SEMA6C: variants seen among roughly 807,000 people sequenced by gnomAD.
SEMA6C encodes semaphorin-6C.
In SEMA6C, 37 loss-of-function variants were observed where a neutral mutation model predicts 72.9. The observed-to-expected ratio is 0.51, with a 90% CI of 0.39 to 0.67. The LOEUF (loss-of-function observed/expected upper bound fraction) is 0.67, where lower values mean the gene tolerates loss of function less well. Ranked by LOEUF, SEMA6C falls within the 30% of genes least tolerant of loss-of-function variation. SEMA6C has a pLI of 0.00. For missense variants in SEMA6C, 1,189 were observed against 1,263.6 expected, an observed-to-expected ratio of 0.94 and a Z score of 0.89; for synonymous variants, 578 against 554.1, an observed-to-expected ratio of 1.04 and a Z score of -0.61.
chr1:151,138,013 C>G lies in SEMA6C; in HGVS notation c.640G>C (p.Ala214Pro). Residue 214 changes from alanine to proline, a missense_variant, in exon 9 of 19, where the codon GCC becomes CCC. Transcript: ENST00000368914. ...CGGAGCCACTTGGAGTCATACTTGGCGGAGCGGAGTGGGGGCTGGGGCCCA... is the reference window on the plus strand; with the variant it reads ...CGGAGCCACTTGGAGTCATACTTGGGGGAGCGGAGTGGGGGCTGGGGCCCA... ...SLGPQPPLRS[A>P]KYDSKWLREP... The G allele has an allele frequency of 6.2e-7, 1 of 1,614,096 alleles. No homozygotes were observed. Among genetic ancestry groups the G allele is most frequent in the Middle Eastern group, 1.6e-4 (1 of 6,062 alleles).
At position 151,138,112 on chromosome 1, in the gene SEMA6C, G is replaced by C. The variant is rs201596171; in HGVS notation, c.548-7C>G. The C allele has an allele frequency of 9.9e-6, 16 of 1,613,526 alleles. No individual in the cohort carries two copies. The highest frequency in any genetic ancestry group is 1.4e-5 in the Non-Finnish European group (16 of 1,179,808). The stretch of plus-strand genomic sequence containing the variant: ...GCTGAGTACAGGCTGCCCTCTGGAG[G>C]GATGGGTGGAGTGGGGTCAGGGGAG... On this transcript the variant is annotated splice_region_variant and splice_polypyrimidine_tract_variant and intron_variant, in intron 8 of 18. Transcript: ENST00000368914.
Position 151,134,471 on chromosome 1 carries a change from TG to T in SEMA6C, c.1715-27del, listed in dbSNP as rs755360865. On this transcript the variant is annotated intron_variant, in intron 17 of 18. Coordinates refer to ENST00000368914, the MANE Select transcript of SEMA6C (RefSeq NM_030913.6). ...CTATGAAGAAGGGACAGGGTGAAGATGGGGGGAAAGAGAAGCTTCATGAAGA... is the reference window on the plus strand; with the variant it reads ...CTATGAAGAAGGGACAGGGTGAAGATGGGGGAAAGAGAAGCTTCATGAAGA... 3.7e-6 allele frequency: 6 copies of T among 1,608,638 alleles called. No homozygotes were observed. The South Asian group carries it at 4.4e-5, about 12-fold the overall frequency.
intron 2 of SEMA6C, among the ~76,000 whole-genome samples, chr1:151,143,386 T>C (rs1682716986): frequency 6.6e-6 from 1 of 152,164 alleles, no homozygotes; most frequent in Non-Finnish European, 1.5e-5. Flanking sequence ...TGGCTGCAGC[T>C]GTCTGCCCGA....
At position 151,137,183 on chromosome 1, in the gene SEMA6C, C is replaced by T. The variant is rs190927669; in HGVS notation, c.757-109G>A. On this transcript the variant is annotated intron_variant, in intron 10 of 18. Coordinates refer to ENST00000368914, the MANE Select transcript of SEMA6C (RefSeq NM_030913.6). ...GTAAGGGGCTGGGCGCGGTGGCTCA[C>T]GCCTGTAATCCCAACACTTTGGGAG... The T allele has an allele frequency of 3.3e-4, 298 of 898,308 alleles. 1 individual carries two copies. In the African/African-American group the frequency reaches 3.8e-3, roughly 12 times the overall value. 55.6% of individuals were successfully genotyped at this position (898,308 alleles called of 1,614,324 possible). A position where few individuals can be genotyped will look rare whatever the true frequency, so the allele number is the denominator to read the frequency against.
In SEMA6C at chr1:151,133,576, G is replaced by A; in HGVS notation, c.1760-59C>T. 6.9e-7 allele frequency: 1 copy of A among 1,442,486 alleles called. No individual in the cohort carries two copies. The highest frequency in any genetic ancestry group is 9.1e-7 in the Non-Finnish European group (1 of 1,102,566). 89.4% of individuals were successfully genotyped at this position (1,442,486 alleles called of 1,614,324 possible). ...AAGGGGAGGCGGTGCGGGGTACCTA[G>A]GCCCAGAGGCGCCGGCAGTTCCCAG... On this transcript the variant is annotated intron_variant, in intron 18 of 18. Coordinates refer to ENST00000368914, the MANE Select transcript of SEMA6C (RefSeq NM_030913.6). The surrounding 1 kb of genome is among the most constrained non-coding windows in gnomAD (Gnocchi z 5.9).
intron 6 of SEMA6C, 75 bp downstream of exon 6, chr1:151,139,350 T>A (rs1682331780): frequency 8.0e-7 from 1 of 1,256,920 alleles, no homozygotes; most frequent in African/African-American, 1.5e-5. Flanking sequence ...TTGGGCATAG[T>A]AGAGGACCAG....
intron 3 of SEMA6C, among the ~76,000 whole-genome samples, chr1:151,141,747 T>A (rs1435058342): frequency 1.4e-5 from 2 of 143,998 alleles, no homozygotes; most frequent in Non-Finnish European, 3.1e-5. Flanking sequence ...TTTTTTTTTT[T>A]AAAGAGATGG....
Position 151,142,595 on chromosome 1 carries a change from G to A in SEMA6C, c.27C>T (p.Pro9=), listed in dbSNP as rs200341959. The part of the protein sequence containing the change: MPRAPHFM[P]LLLLLLLLSL... ...AGAGCAGCAGCAGCAGTAGCAGCAA[G>A]GGCATGAAGTGGGGGGCACGGGGCA... The change falls in exon 3 of 19, where the codon CCC becomes CCT. Residue 9 remains proline (P), a synonymous_variant. Coordinates refer to ENST00000368914, the MANE Select transcript of SEMA6C (RefSeq NM_030913.6). 1.9e-6 allele frequency: 3 copies of A among 1,600,804 alleles called. No individual in the cohort carries two copies. Among genetic ancestry groups the A allele is most frequent in the Non-Finnish European group, 2.6e-6 (3 of 1,173,376 alleles).
chr1:151,138,542 C>G (rs894298475), intron 7 of SEMA6C, 88 bp downstream of exon 7: 3 of 1,464,770 alleles, frequency 2.0e-6, no homozygotes, highest in Non-Finnish European at 2.8e-6. Flanking sequence ...ATTCCCCAAC[C>G]GCAGTCCTTG....
intron 13 of SEMA6C, 30 bp downstream of exon 13, chr1:151,135,981 G>T (rs751131818): frequency 6.2e-7 from 1 of 1,613,562 alleles, no homozygotes; most frequent in East Asian, 2.2e-5. Flanking sequence ...AGAACAGGGA[G>T]GCAGTGGTCA....
At chr1:151,143,489 C>CCA (rs1682725350) in intron 2 of SEMA6C, among the ~76,000 whole-genome samples, 1 of 152,128 alleles carries the variant, frequency 6.6e-6, no homozygotes, top group Admixed American at 6.5e-5. Context: ...AAGAGCAGAC[C>CCA]CACCCCCTAT....
At chr1:151,135,498 AATGTTG>A in intron 14 of SEMA6C, 87 bp downstream of exon 14, 1 of 1,493,456 alleles carries the variant, frequency 6.7e-7, no homozygotes, top group Non-Finnish European at 9.1e-7. Context: ...TGCAAAAGCC[AATGTTG>A]ATGTTTCCAA....
chr1:151,139,753 A>G (rs747591562), intron 4 of SEMA6C, 52 bp from the exon 5 acceptor site: 115 of 1,511,376 alleles, frequency 7.6e-5, no homozygotes, highest in Non-Finnish European at 3.8e-5. Flanking sequence ...ACCCCACTTT[A>G]CCCACAGTCA....
chr1:151,138,006 T>C lies in SEMA6C; in HGVS notation c.647A>G (p.Tyr216Cys). The change falls in exon 9 of 19, where the codon TAT (tyrosine) becomes TGT (cysteine). Residue 216 changes from tyrosine to cysteine, a missense_variant. Tyr to Cys is a radical substitution (Grantham distance 194, BLOSUM62 -2). Coordinates refer to ENST00000368914, the MANE Select transcript of SEMA6C (RefSeq NM_030913.6). ...GPQPPLRSAK[Y>C]DSKWLREPHF... Reference sequence around the variant, plus strand: ...CTGACCTCGGAGCCACTTGGAGTCATACTTGGCGGAGCGGAGTGGGGGCTG... The same window carrying C: ...CTGACCTCGGAGCCACTTGGAGTCACACTTGGCGGAGCGGAGTGGGGGCTG... 2.5e-6 allele frequency: 4 copies of C among 1,614,134 alleles called. No individual in the cohort carries two copies. The highest frequency in any genetic ancestry group is 3.4e-6 in the Non-Finnish European group (4 of 1,180,004).
chr1:151,133,849 C>T lies in SEMA6C; in HGVS notation c.1760-332G>A. On this transcript the variant is annotated intron_variant, in intron 18 of 18. Coordinates refer to ENST00000368914, the MANE Select transcript of SEMA6C (RefSeq NM_030913.6). The surrounding 1 kb of genome is among the most constrained non-coding windows in gnomAD (Gnocchi z 5.9). ...GATGCCCAATTCTGGGGAAGGGAGG[C>T]TCCAAACAGGCGTTAGTGAGCACCA... The T allele has an allele frequency of 1.9e-6, 2 of 1,033,502 alleles. No individual in the cohort carries two copies. The highest frequency in any genetic ancestry group is 2.8e-6 in the Non-Finnish European group (2 of 706,658). 64.0% of individuals were successfully genotyped at this position (1,033,502 alleles called of 1,614,324 possible).
intron 10 of SEMA6C, 92 bp from the exon 11 acceptor site, chr1:151,137,166 C>T (rs1682095871): frequency 5.4e-6 from 6 of 1,118,066 alleles, no homozygotes; most frequent in Non-Finnish European, 8.0e-6. Flanking sequence ...CAGTAAGGGG[C>T]TGGGCGCGGT....
intron 12 of SEMA6C, 136 bp downstream of exon 12, chr1:151,136,312 C>T (rs1558182464): frequency 5.5e-6 from 8 of 1,466,140 alleles, no homozygotes; most frequent in Non-Finnish European, 5.6e-6. Context: ...CCTGCCGCAG[C>T]TCTTCGGCCC....
At chr1:151,139,129 AG>A (rs1682309834) in intron 6 of SEMA6C, among the ~76,000 whole-genome samples, 1 of 152,006 alleles carries the variant, frequency 6.6e-6, no homozygotes, top group South Asian at 2.1e-4. Context: ...AAAGAAAGAA[AG>A]GTGGGCTACT....
chr1:151,142,455 GTC>G, intron 3 of SEMA6C, 47 bp downstream of exon 3: 1 of 1,609,856 alleles, frequency 6.2e-7, no homozygotes, highest in Non-Finnish European at 8.5e-7. Flanking sequence ...GGGGGTCTCA[GTC>G]TCTAATTGTT....
Sources: gnomAD v4.1 joint callset for allele counts (sites outside exome capture counted in the v4.1 genomes callset) on GRCh38, gnomAD v4.1.1 for gene constraint, Gnocchi (gnomAD v3.1) non-coding constraint, MANE v1.5 for transcripts, NCBI Gene and HGNC (gene_info 2026-07-23, HGNC 2026-07-21) for gene names.